ECE1: variants seen among roughly 807,000 people sequenced by gnomAD.
ECE1 encodes the protein endothelin converting enzyme 1.
A neutral mutation model predicts 98.6 loss-of-function variants in ECE1; 35 were observed. That is an observed-to-expected ratio of 0.35 (90% confidence interval 0.27 to 0.47). The LOEUF (loss-of-function observed/expected upper bound fraction) is 0.47, where lower values mean the gene tolerates loss of function less well. Among genes scored for constraint, ECE1 ranks in the 20% least tolerant of loss-of-function variants. The pLI is 1.00. For synonymous variants in ECE1, 394 were observed against 407.1 expected (o/e 0.97, Z 0.39); for missense variants, 814 against 1,025.3 (o/e 0.79, Z 2.81).
rs1639301105 is a variant in ECE1, at chr1:21,336,110, G to A, written c.3+9266C>T. Among the ~76,000 whole-genome samples the A allele has an allele frequency of 3.3e-5, 5 of 152,232 alleles. No homozygotes were observed. In the South Asian group the frequency reaches 1.0e-3, roughly 31 times the overall value. ...TTTCAAAAAACACTTGAGACAGGCA[G>A]TGTCTCATACCTGTAATCCCAGCAC... is the stretch of plus-strand genomic sequence containing the variant. On this transcript the variant is annotated intron_variant, in intron 1 of 18. Coordinates refer to the ECE1 transcript ENST00000415912.
intron 2 of ECE1, 77 bp downstream of exon 2, chr1:21,289,993 C>CGGGGGGGGGGGGGGGGGGGGGGGGGGGG: frequency 1.1e-6 from 1 of 897,834 alleles, no homozygotes; most frequent in Non-Finnish European, 1.3e-6. Flanking sequence ...TAGGTAGGGG[C>CGGGGGGGGGGGGGGGGGGGGGGGGGGGG]GGGGGGCGCG....
At chr1:21,299,067 T>G (rs1430646810) in intron 1 of ECE1, 1 of 352,094 alleles carries the variant, frequency 2.8e-6, no homozygotes. Flanking sequence ...GACAATGTGC[T>G]GATCTAATCA....
intron 1 of ECE1, among the ~76,000 whole-genome samples, chr1:21,306,290 A>G (rs1302165274): frequency 6.6e-6 from 1 of 151,504 alleles, no homozygotes; most frequent in Non-Finnish European, 1.5e-5. Context: ...ACATTTATTG[A>G]GTGCTTACTG....
intron 8 of ECE1, among the ~76,000 whole-genome samples, chr1:21,247,695 G>GC (rs1211174566): frequency 1.3e-5 from 2 of 152,294 alleles, no homozygotes; most frequent in East Asian, 3.9e-4. Flanking sequence ...TGGTCCTCAC[G>GC]CGAGTCCAAG....
At chr1:21,227,120 T>C in intron 16 of ECE1, 39 bp downstream of exon 16, 1 of 1,603,872 alleles carries the variant, frequency 6.2e-7, no homozygotes, top group Non-Finnish European at 8.5e-7. Context: ...AGCACGGAGA[T>C]TACAGGCATG....
chr1:21,293,847 C>T (rs213049), upstream of ECE1: 126,805 of 152,258 alleles, frequency 0.83, 53,395 homozygotes, highest in African/African-American at 0.95. Flanking sequence ...CTCACAAGTA[C>T]CGCTTCCAGC....
chr1:21,345,194 G>T lies in ECE1; in HGVS notation c.3+182C>A. 1 of 808,026 alleles carries T rather than the reference G, an allele frequency of 1.2e-6. No homozygotes were observed. Among genetic ancestry groups the T allele is most frequent in the Non-Finnish European group, 1.6e-6 (1 of 631,446 alleles). The allele number at this position is 808,026 out of a possible 1,614,324, so 50.1% of individuals were successfully genotyped here. On this transcript the variant is annotated intron_variant, in intron 1 of 18. Transcript: ENST00000415912. This position sits in a 1 kb window ranked among gnomAD's most constrained non-coding sequence, Gnocchi z 5.1. ...GACCAAGCGCAGCGCCGCCGGGAGAGCCGCGCTCTGCCCGGGCGCTCCCCG... is the reference window on the plus strand; with the variant it reads ...GACCAAGCGCAGCGCCGCCGGGAGATCCGCGCTCTGCCCGGGCGCTCCCCG...
At chr1:21,274,739 A>G (rs1344164711) in intron 3 of ECE1, among the ~76,000 whole-genome samples, 1 of 152,226 alleles carries the variant, frequency 6.6e-6, no homozygotes, top group African/African-American at 2.4e-5. Context: ...AAGGGCTCAG[A>G]GCAGCTGCAC....
intron 1 of ECE1, among the ~76,000 whole-genome samples, chr1:21,324,400 C>G (rs984880742): frequency 2.0e-5 from 3 of 152,218 alleles, no homozygotes; most frequent in African/African-American, 7.2e-5. Flanking sequence ...CAGGGACACT[C>G]CACCCACTCA....
intron 1 of ECE1, among the ~76,000 whole-genome samples, chr1:21,331,134 G>A (rs2103412378): frequency 6.6e-6 from 1 of 152,258 alleles, no homozygotes. Flanking sequence ...CAGGCACGGT[G>A]GCTCATGCCT....
At chr1:21,226,762 G>A (rs1316783237) in intron 16 of ECE1, among the ~76,000 whole-genome samples, 2 of 152,158 alleles carry the variant, frequency 1.3e-5, no homozygotes, top group African/African-American at 4.8e-5. Context: ...GTCTCGCTCT[G>A]TCACCCAGGC....
chr1:21,326,973 C>G (rs1639093557), intron 1 of ECE1, among the ~76,000 whole-genome samples: 1 of 152,218 alleles, frequency 6.6e-6, no homozygotes, highest in South Asian at 2.1e-4. Context: ...CCCCTAAACC[C>G]CACCTCTGTG....
intron 2 of ECE1, among the ~76,000 whole-genome samples, chr1:21,282,525 C>T (rs1195652042): frequency 6.7e-6 from 1 of 148,552 alleles, no homozygotes; most frequent in African/African-American, 2.5e-5. Flanking sequence ...GAGCTGGAGG[C>T]TGCAATGAGC....
intron 17 of ECE1, among the ~76,000 whole-genome samples, chr1:21,223,893 C>T (rs924256426): frequency 2.0e-5 from 3 of 152,342 alleles, no homozygotes; most frequent in Non-Finnish European, 2.9e-5. Flanking sequence ...CCACTGCGCC[C>T]GGCTGACCCC....
At chr1:21,266,286 C>T (rs954938198) in intron 4 of ECE1, among the ~76,000 whole-genome samples, 4 of 152,068 alleles carry the variant, frequency 2.6e-5, no homozygotes, top group African/African-American at 9.7e-5. Flanking sequence ...TCCCTTGATG[C>T]AGTGGGACCA....
chr1:21,331,263 C>A (rs191102824), intron 1 of ECE1, among the ~76,000 whole-genome samples: 2 of 151,866 alleles, frequency 1.3e-5, no homozygotes, highest in Non-Finnish European at 2.9e-5. Flanking sequence ...ATTAGCCGGG[C>A]GTGGTGGTGC....
At chr1:21,302,106 C>T (rs1188287121) in intron 1 of ECE1, among the ~76,000 whole-genome samples, 1 of 152,242 alleles carries the variant, frequency 6.6e-6, no homozygotes, top group Non-Finnish European at 1.5e-5. Flanking sequence ...GCAGTGCATT[C>T]TCAGAGTGGG....
intron 8 of ECE1, among the ~76,000 whole-genome samples, chr1:21,253,308 C>T (rs58554941): frequency 0.21 from 32,320 of 151,744 alleles, 4,207 homozygotes; most frequent in East Asian, 0.46. Context: ...CCACCTGCCT[C>T]GGCCTCCCAA....
At chr1:21,282,215 G>A (rs528628076) in intron 2 of ECE1, among the ~76,000 whole-genome samples, 3 of 152,072 alleles carry the variant, frequency 2.0e-5, no homozygotes, top group African/African-American at 4.8e-5. Context: ...GCTTGAGCCC[G>A]GAAGGTCGAG....
Sources: gnomAD v4.1 joint callset for allele counts (sites outside exome capture counted in the v4.1 genomes callset) on GRCh38, gnomAD v4.1.1 for gene constraint, Gnocchi (gnomAD v3.1) non-coding constraint, MANE v1.5 for transcripts, NCBI Gene and HGNC (gene_info 2026-07-23, HGNC 2026-07-21) for gene names.